Variants in MOK observed in about 807,000 individuals in gnomAD.
The protein encoded by MOK is MAPK/MAK/MRK overlapping kinase.
Under a neutral mutation model 54.2 loss-of-function variants are expected in MOK, and 59 were observed. The ratio of observed to expected loss-of-function variants is 1.09; its 90% CI spans 0.88 to 1.35. The LOEUF (loss-of-function observed/expected upper bound fraction) is 1.35. MOK is among the 40% of genes most tolerant of loss of function. MOK has a pLI of 0.00. For synonymous variants in MOK, 210 were observed against 202.7 expected (o/e 1.04, Z -0.31); for missense variants, 517 against 526.2 (o/e 0.98, Z 0.17).
intron 4 of MOK, among the ~76,000 whole-genome samples, chr14:102,253,744 GATTTT>G (rs1012149013): frequency 1.3e-5 from 2 of 152,118 alleles, no homozygotes; most frequent in African/African-American, 2.4e-5. Context: ...AATTTTACTT[GATTTT>G]AATTTTCAAA....
intron 1 of MOK, among the ~76,000 whole-genome samples, chr14:102,290,601 T>A (rs945561633): frequency 1.2e-4 from 18 of 152,186 alleles, no homozygotes; most frequent in Non-Finnish European, 2.1e-4. Flanking sequence ...GTCTGTGTTA[T>A]GAGCAAAAGA....
At chr14:102,243,565 A>C (rs2065874606) in intron 7 of MOK, among the ~76,000 whole-genome samples, 2 of 152,082 alleles carry the variant, frequency 1.3e-5, no homozygotes, top group African/African-American at 4.8e-5. Flanking sequence ...ATAACTTCCA[A>C]AATCTATTTT....
At chr14:102,266,900 A>C (rs912721465) in intron 2 of MOK, among the ~76,000 whole-genome samples, 3 of 152,118 alleles carry the variant, frequency 2.0e-5, no homozygotes, top group Non-Finnish European at 4.4e-5. Context: ...CATTTCATTC[A>C]CTTGGTGACA....
intron 1 of MOK, among the ~76,000 whole-genome samples, chr14:102,301,367 T>C (rs1045479973): frequency 4.6e-5 from 7 of 152,208 alleles, no homozygotes; most frequent in African/African-American, 1.2e-4. Flanking sequence ...TCAACTGCAC[T>C]GTGTCACTCT....
Position 102,231,824 on chromosome 14 carries a change from A to G in MOK, c.867-3T>C, listed in dbSNP as rs374681781. On this transcript the variant is annotated splice_polypyrimidine_tract_variant and splice_region_variant and intron_variant, in intron 9 of 11. Coordinates refer to ENST00000361847, the MANE Select transcript of MOK (RefSeq NM_014226.3). This position sits in a 1 kb window ranked among gnomAD's most constrained non-coding sequence, Gnocchi z 4.4. ...CCAGAGCCCGCTTCTCTGTTTTCCT[A>G]CGGGGAAGGAGAAGAGAATGGAGCA... The G allele has an allele frequency of 4.3e-6, 7 of 1,610,428 alleles. No homozygotes were observed. In the South Asian group the frequency reaches 6.6e-5, roughly 15 times the overall value.
chr14:102,303,798 G>A (rs746554739), intron 1 of MOK, among the ~76,000 whole-genome samples: 7 of 152,190 alleles, frequency 4.6e-5, no homozygotes, highest in South Asian at 2.1e-4. Context: ...ACACCAGAGC[G>A]AAAGCGAGCA....
At position 102,230,505 on chromosome 14, in the gene MOK, C is replaced by G. The variant is rs1333821503; in HGVS notation, c.982-848G>C. 2 of 152,214 alleles carry G rather than the reference C, an allele frequency of 1.3e-5. No individual in the cohort carries two copies. Among genetic ancestry groups the G allele is most frequent in the African/African-American group, 2.4e-5 (1 of 41,438 alleles). The allele number at this position is 152,214 out of a possible 1,614,324, so 9.4% of individuals were successfully genotyped here. ...CACTGCAGCAAAGCAGGGAGTGTAA[C>G]GAACACCCCACGGCCACGGGGCCTA... On this transcript the variant is annotated intron_variant, in intron 10 of 11. Transcript: ENST00000361847. This position sits in a 1 kb window ranked among gnomAD's most constrained non-coding sequence, Gnocchi z 4.1.
chr14:102,303,804 G>GA (rs1261260038), intron 1 of MOK, among the ~76,000 whole-genome samples: 1 of 152,122 alleles, frequency 6.6e-6, no homozygotes, highest in East Asian at 1.9e-4. Flanking sequence ...GAGCGAAAGC[G>GA]AGCACACAAA....
At chr14:102,288,126 A>G (rs6575906) in intron 1 of MOK, among the ~76,000 whole-genome samples, 45,929 of 151,086 alleles carry the variant, frequency 0.3, 9,116 homozygotes, top group African/African-American at 0.57. Flanking sequence ...GAGCCACCGC[A>G]CCCGGCCTGA....
chr14:102,304,491 G>A (rs1461473868), intron 1 of MOK, among the ~76,000 whole-genome samples: 1 of 152,064 alleles, frequency 6.6e-6, no homozygotes, highest in Non-Finnish European at 1.5e-5. Flanking sequence ...ATAAAATAAA[G>A]CACACAGCCC....
At chr14:102,281,618 T>C (rs1017657873) in intron 2 of MOK, among the ~76,000 whole-genome samples, 1 of 151,904 alleles carries the variant, frequency 6.6e-6, no homozygotes, top group Non-Finnish European at 1.5e-5. Flanking sequence ...GTTTTTTTTT[T>C]AATTTTTGTA....
chr14:102,229,832 A>G, intron 10 of MOK, 175 bp from the exon 11 acceptor site: 2 of 627,422 alleles, frequency 3.2e-6, no homozygotes, highest in Non-Finnish European at 5.4e-6. Context: ...GCTGCCCACT[A>G]GAGTCCCACG....
At chr14:102,299,239 C>A (rs1005080344) in intron 1 of MOK, among the ~76,000 whole-genome samples, 3 of 152,130 alleles carry the variant, frequency 2.0e-5, no homozygotes, top group African/African-American at 7.2e-5. Context: ...CTGGGCCGGA[C>A]GCAGTGGCTC....
downstream of MOK, among the ~76,000 whole-genome samples, chr14:102,227,501 G>C (rs954406247): frequency 6.6e-6 from 1 of 152,148 alleles, no homozygotes; most frequent in African/African-American, 2.4e-5. Context: ...AGCCCTCAAG[G>C]CTGCACCAGG....
chr14:102,217,039 TC>T, the MOK span, among the ~76,000 whole-genome samples: 1 of 152,132 alleles, frequency 6.6e-6, no homozygotes, highest in African/African-American at 2.4e-5. Context: ...GGCTCTCAGC[TC>T]CCTACCACCC....
chr14:102,271,282 A>C (rs535678104), intron 2 of MOK, among the ~76,000 whole-genome samples: 1 of 152,300 alleles, frequency 6.6e-6, no homozygotes, highest in African/African-American at 2.4e-5. Context: ...TTTTTCTTTA[A>C]TATTCCTTGA....
At chr14:102,246,674 C>G (rs905153987) in intron 7 of MOK, among the ~76,000 whole-genome samples, 6 of 152,098 alleles carry the variant, frequency 3.9e-5, no homozygotes, top group African/African-American at 1.5e-4. Flanking sequence ...CAGGCATTAA[C>G]AAAAATCTCC....
chr14:102,261,330 A>G (rs959138584), intron 4 of MOK, among the ~76,000 whole-genome samples: 12 of 129,230 alleles, frequency 9.3e-5, no homozygotes, highest in African/African-American at 3.2e-4. Flanking sequence ...GAGGCAGTAG[A>G]ATCTCTTGAA....
chr14:102,286,070 C>A (rs1308054288), intron 1 of MOK, among the ~76,000 whole-genome samples: 1 of 137,454 alleles, frequency 7.3e-6, no homozygotes, highest in Non-Finnish European at 1.6e-5. Flanking sequence ...GAGGCCGAGG[C>A]GGGCGGATCA....
Sources: allele counts gnomAD v4.1 joint callset (sites outside exome capture counted in the v4.1 genomes callset), GRCh38; gene constraint gnomAD v4.1.1; non-coding constraint Gnocchi (gnomAD v3.1); transcripts MANE v1.5; gene names NCBI Gene and HGNC (gene_info 2026-07-23, HGNC 2026-07-21).